The following DCDC1 variants were observed in gnomAD, a reference collection of about 807,000 sequenced individuals.
DCDC1 encodes doublecortin domain-containing protein 1.
DCDC1 carries 200 observed loss-of-function variants against 178.3 expected under a neutral mutation model. The ratio of observed to expected loss-of-function variants is 1.12; its 90% CI spans 1.00 to 1.26. DCDC1 has a LOEUF of 1.26. Among genes scored for constraint, DCDC1 ranks in the 50% most tolerant of loss-of-function variants. The probability of loss-of-function intolerance (pLI) is 0.00; values close to 1 mark genes in which losing one functional copy is unlikely to be tolerated. For missense variants in DCDC1, 1,983 were observed against 1,749.2 expected (o/e 1.13, Z -2.38); for synonymous variants, 690 against 604.8 (o/e 1.14, Z -2.07).
intron 36 of DCDC1, among the ~76,000 whole-genome samples, chr11:30,892,067 A>G (rs562609578): frequency 1.8e-4 from 27 of 152,356 alleles, no homozygotes; most frequent in African/African-American, 6.5e-4. Context: ...AACATTTCAC[A>G]AAATAAAAAA....
intron 36 of DCDC1, among the ~76,000 whole-genome samples, chr11:30,889,268 G>A (rs1318665304): frequency 4.0e-4 from 61 of 152,332 alleles, no homozygotes; most frequent in Non-Finnish European, 1.3e-4. Flanking sequence ...GCCGACAACA[G>A]TTGGAGATGA....
chr11:31,255,540 C>G (rs1451194704), intron 8 of DCDC1, among the ~76,000 whole-genome samples: 1 of 151,970 alleles, frequency 6.6e-6, no homozygotes, highest in Admixed American at 6.6e-5. Context: ...TGAAGTAGTA[C>G]TTCATTGTAA....
chr11:31,052,064 G>A (rs1015706961), intron 20 of DCDC1, among the ~76,000 whole-genome samples: 1 of 152,016 alleles, frequency 6.6e-6, no homozygotes, highest in Non-Finnish European at 1.5e-5. Context: ...ACCACAAAAT[G>A]GATAAGAACT....
At chr11:31,131,487 T>G (rs1962435291) in intron 10 of DCDC1, among the ~76,000 whole-genome samples, 1 of 152,148 alleles carries the variant, frequency 6.6e-6, no homozygotes, top group South Asian at 2.1e-4. Context: ...AGTCTATGCT[T>G]TCAGCCTCAT....
chr11:31,055,424 C>T (rs1955520674), intron 20 of DCDC1, among the ~76,000 whole-genome samples: 1 of 152,160 alleles, frequency 6.6e-6, no homozygotes, highest in African/African-American at 2.4e-5. Context: ...CATAGTGTTT[C>T]CACTGTTTTC....
At chr11:30,888,018 GAA>G (rs1173329261) in intron 36 of DCDC1, among the ~76,000 whole-genome samples, 5 of 131,982 alleles carry the variant, frequency 3.8e-5, no homozygotes, top group East Asian at 4.4e-4. Flanking sequence ...AAAAAAGAAA[GAA>G]AGAGAGAGAG....
intron 20 of DCDC1, among the ~76,000 whole-genome samples, chr11:30,971,612 T>TG (rs1244678549): frequency 7.8e-4 from 96 of 122,904 alleles, no homozygotes; most frequent in African/African-American, 2.7e-3. Flanking sequence ...TGTTTTTTTT[T>TG]TTTTTTTTTT....
intron 20 of DCDC1, among the ~76,000 whole-genome samples, chr11:30,982,439 T>A (rs141109951): frequency 3.3e-5 from 5 of 152,302 alleles, no homozygotes; most frequent in African/African-American, 1.2e-4. Flanking sequence ...TAAGCATTTG[T>A]TTCAAAATTA....
intron 8 of DCDC1, among the ~76,000 whole-genome samples, chr11:31,250,415 C>CATAT (rs753411919): frequency 9.5e-5 from 7 of 73,728 alleles, no homozygotes; most frequent in East Asian, 9.3e-4. Context: ...CACACACACA[C>CATAT]ATATACATAT....
At chr11:31,076,354 A>G (rs1956865278) in intron 18 of DCDC1, among the ~76,000 whole-genome samples, 1 of 151,628 alleles carries the variant, frequency 6.6e-6, no homozygotes, top group South Asian at 2.1e-4. Flanking sequence ...ATTTAATTTA[A>G]TTTTTATTTT....
At chr11:31,265,429 T>C (rs1945086549) in intron 8 of DCDC1, 78 bp downstream of exon 8, 2 of 707,056 alleles carry the variant, frequency 2.8e-6, no homozygotes, top group Non-Finnish European at 4.2e-6. Flanking sequence ...GTTTTTCTTT[T>C]AAATGTTTAA....
At chr11:31,083,521 G>A (rs892753774) in intron 17 of DCDC1, among the ~76,000 whole-genome samples, 1 of 152,142 alleles carries the variant, frequency 6.6e-6, no homozygotes, top group Non-Finnish European at 1.5e-5. Flanking sequence ...ATGGCAAACT[G>A]GAGGATGTAT....
At chr11:31,159,738 G>A (rs1966117422) in intron 9 of DCDC1, among the ~76,000 whole-genome samples, 1 of 152,158 alleles carries the variant, frequency 6.6e-6, no homozygotes, top group African/African-American at 2.4e-5. Flanking sequence ...CAAATGAATT[G>A]TGAGGGATTA....
At chr11:31,213,143 C>CTCTCTT (rs1972940646) in intron 9 of DCDC1, among the ~76,000 whole-genome samples, 1 of 139,324 alleles carries the variant, frequency 7.2e-6, no homozygotes. Flanking sequence ...CTCTCTCTCT[C>CTCTCTT]TCTCTCTCTC....
intron 11 of DCDC1, among the ~76,000 whole-genome samples, chr11:31,124,231 G>T (rs749760463): frequency 6.6e-6 from 1 of 152,042 alleles, no homozygotes; most frequent in African/African-American, 2.4e-5. Context: ...TAACATAAAG[G>T]GATGTTGAAT....
At chr11:31,282,048 A>G (rs1946475939) in intron 7 of DCDC1, among the ~76,000 whole-genome samples, 1 of 152,056 alleles carries the variant, frequency 6.6e-6, no homozygotes, top group Non-Finnish European at 1.5e-5. Flanking sequence ...TATTGGTATG[A>G]ATTTTCTTTT....
At chr11:31,010,385 T>C (rs777617769) in intron 20 of DCDC1, among the ~76,000 whole-genome samples, 1 of 152,222 alleles carries the variant, frequency 6.6e-6, no homozygotes, top group Non-Finnish European at 1.5e-5. Flanking sequence ...GACTTTGATT[T>C]CAAGATGCCA....
intron 21 of DCDC1, among the ~76,000 whole-genome samples, chr11:30,937,445 CA>C (rs1226899969): frequency 6.6e-6 from 1 of 152,138 alleles, no homozygotes; most frequent in Admixed American, 6.5e-5. Context: ...TTCTTCCATC[CA>C]GGACATTCTC....
intron 18 of DCDC1, among the ~76,000 whole-genome samples, chr11:31,070,770 T>C (rs561434424): frequency 4.6e-5 from 7 of 152,290 alleles, no homozygotes; most frequent in Non-Finnish European, 1.5e-5. Context: ...ATGGAGGAGA[T>C]GGATCATCTC....
Sources: allele counts gnomAD v4.1 joint callset (sites outside exome capture counted in the v4.1 genomes callset), GRCh38; gene constraint gnomAD v4.1.1; transcripts MANE v1.5; gene names NCBI Gene and HGNC (gene_info 2026-07-23, HGNC 2026-07-21).